The following PDE2A variants were observed in gnomAD, a reference collection of about 807,000 sequenced individuals.
PDE2A encodes phosphodiesterase 2A, also known as cGMP-dependent 3',5'-cyclic phosphodiesterase.
A neutral mutation model predicts 133.6 loss-of-function variants in PDE2A; 53 were observed. The observed-to-expected ratio is 0.40, with a 90% CI of 0.32 to 0.50. PDE2A has a LOEUF of 0.50. PDE2A is among the 20% of genes least tolerant of loss of function. The pLI is 0.73. For synonymous variants in PDE2A, 491 were observed against 490.2 expected, an observed-to-expected ratio of 1.00 and a Z score of -0.02; for missense variants, 796 against 1,232.4, an observed-to-expected ratio of 0.65 and a Z score of 5.30.
chr11:72,598,387 G>T, intron 4 of PDE2A: 1 of 578,200 alleles, frequency 1.7e-6, no homozygotes, highest in Non-Finnish European at 2.8e-6. Context: ...GACAGTGGCA[G>T]AGGGGTGGTG....
chr11:72,610,723 C>T (rs1375263970), intron 2 of PDE2A, among the ~76,000 whole-genome samples: 1 of 152,128 alleles, frequency 6.6e-6, no homozygotes, highest in African/African-American at 2.4e-5. Flanking sequence ...GTCTTTTGAC[C>T]CTTAGGCACT....
At chr11:72,631,767 A>G (rs1429735346) in intron 2 of PDE2A, among the ~76,000 whole-genome samples, 1 of 152,136 alleles carries the variant, frequency 6.6e-6, no homozygotes, top group East Asian at 1.9e-4. Context: ...TGGAGACACA[A>G]CAGAGACCTG....
At chr11:72,638,280 C>T (rs1054012136) in intron 2 of PDE2A, among the ~76,000 whole-genome samples, 1 of 152,198 alleles carries the variant, frequency 6.6e-6, no homozygotes, top group African/African-American at 2.4e-5. Flanking sequence ...AGATGAGAGT[C>T]CCCTCATCCG....
rs759363151 is a variant in PDE2A at position 72,584,734 on chromosome 11, G to C, written c.1360-6C>G. ...GGGATGCGGATCTCATAGCTCTGCC[G>C]GAGCAGAGATGGAGTCGAGAGGAAG... On this transcript the variant is annotated splice_polypyrimidine_tract_variant and splice_region_variant and intron_variant, in intron 17 of 30. Coordinates refer to ENST00000334456, the MANE Select transcript of PDE2A (RefSeq NM_002599.5). 1 of 1,613,018 alleles carries C rather than the reference G, an allele frequency of 6.2e-7. No individual in the cohort carries two copies. The highest frequency in any genetic ancestry group is 1.1e-5 in the South Asian group (1 of 91,056).
intron 1 of PDE2A, among the ~76,000 whole-genome samples, chr11:72,668,024 A>T (rs925582331): frequency 6.6e-6 from 1 of 152,242 alleles, no homozygotes; most frequent in Non-Finnish European, 1.5e-5. Flanking sequence ...AGTTCAATCC[A>T]TTCAGCCTAA....
intron 2 of PDE2A, among the ~76,000 whole-genome samples, chr11:72,626,764 A>G (rs1858099464): frequency 6.6e-6 from 1 of 152,076 alleles, no homozygotes; most frequent in Non-Finnish European, 1.5e-5. Context: ...AGCTGGGCCC[A>G]CATATTCACT....
At chr11:72,638,513 G>A (rs919840580) in intron 2 of PDE2A, among the ~76,000 whole-genome samples, 9 of 152,252 alleles carry the variant, frequency 5.9e-5, no homozygotes, top group Non-Finnish European at 1.0e-4. Context: ...AGAACCAGGC[G>A]CCCCAGACTG....
At chr11:72,621,084 CT>C (rs2135395839) in intron 2 of PDE2A, among the ~76,000 whole-genome samples, 1 of 152,228 alleles carries the variant, frequency 6.6e-6, no homozygotes, top group East Asian at 1.9e-4. Flanking sequence ...CCATTTTATA[CT>C]TGAGGAAATT....
rs761847314 is a variant in PDE2A at position 72,579,393 on chromosome 11, G to A, written c.2257-10C>T. ...GCATGCGCTGATAGTCCTGAGGCGA[G>A]GGCAGGGGTGTCATGCCCTCCTACT... On this transcript the variant is annotated splice_polypyrimidine_tract_variant and intron_variant, in intron 26 of 30. Transcript: ENST00000334456. 6.2e-6 allele frequency: 10 copies of A among 1,610,340 alleles called. No individual in the cohort carries two copies. The South Asian group carries it at 1.1e-4, about 18-fold the overall frequency.
intron 2 of PDE2A, among the ~76,000 whole-genome samples, chr11:72,641,203 G>A (rs1266841847): frequency 6.6e-6 from 1 of 152,214 alleles, no homozygotes; most frequent in Non-Finnish European, 1.5e-5. Flanking sequence ...GGCTTTATAA[G>A]TTACAAAAGC....
intron 6 of PDE2A, among the ~76,000 whole-genome samples, chr11:72,591,786 A>G (rs976430428): frequency 8.5e-5 from 13 of 152,326 alleles, no homozygotes; most frequent in Middle Eastern, 6.8e-3. Context: ...GGATAAAGGA[A>G]TGGGCTCAGT....
chr11:72,579,122 G>C, intron 27 of PDE2A, 113 bp from the exon 28 acceptor site: 1 of 945,440 alleles, frequency 1.1e-6, no homozygotes, highest in Non-Finnish European at 1.7e-6. Context: ...ACCCTTGATG[G>C]GAGCCAAGGG....
At chr11:72,602,478 C>T (rs572858760) in intron 4 of PDE2A, among the ~76,000 whole-genome samples, 23 of 152,282 alleles carry the variant, frequency 1.5e-4, no homozygotes, top group African/African-American at 5.3e-4. Flanking sequence ...CCCACCTCCT[C>T]GGGCACTGCT....
intron 1 of PDE2A, among the ~76,000 whole-genome samples, chr11:72,655,347 A>AGAGCCTGGGGACAATGAGCTTGG (rs57956369): frequency 6.6e-6 from 1 of 151,768 alleles, no homozygotes; most frequent in Non-Finnish European, 1.5e-5. Flanking sequence ...AGCCAGGGTG[A>AGAGCCTGGGGACAATGAGCTTGG]GGCAGCCTGG....
Position 72,584,476 on chromosome 11 carries a change from G to A in PDE2A, c.1537+75C>T, listed in dbSNP as rs532569295. On this transcript the variant is annotated intron_variant, in intron 18 of 30. Transcript: ENST00000334456. ...GGGACGCTGGAGGCGGTGGGGAAGT[G>A]TTGCCACCCCCGCTCGCTCGGACCC... is the stretch of plus-strand genomic sequence containing the variant. The A allele has an allele frequency of 3.4e-6, 5 of 1,490,940 alleles. No homozygotes were observed. In the South Asian group the frequency reaches 3.6e-5, roughly 11 times the overall value. The allele number at this position is 1,490,940 out of a possible 1,614,324, so 92.4% of individuals were successfully genotyped here.
intron 2 of PDE2A, among the ~76,000 whole-genome samples, chr11:72,617,833 C>T (rs978062530): frequency 1.6e-4 from 24 of 152,328 alleles, no homozygotes; most frequent in Admixed American, 1.4e-3. Flanking sequence ...CTGACTCCTG[C>T]CCCCTTTCCC....
At chr11:72,631,911 G>A (rs1298081561) in intron 2 of PDE2A, among the ~76,000 whole-genome samples, 4 of 151,922 alleles carry the variant, frequency 2.6e-5, no homozygotes, top group Non-Finnish European at 4.4e-5. Flanking sequence ...CTCAGGCATC[G>A]GACAGGCGGT....
chr11:72,586,701 C>T (rs1565152596), intron 13 of PDE2A, among the ~76,000 whole-genome samples: 1 of 152,230 alleles, frequency 6.6e-6, no homozygotes, highest in Non-Finnish European at 1.5e-5. Context: ...AAATCCTGCT[C>T]ACGTCATTCA....
chr11:72,654,545 C>G (rs961379276), intron 1 of PDE2A, among the ~76,000 whole-genome samples: 2 of 152,002 alleles, frequency 1.3e-5, no homozygotes, highest in Non-Finnish European at 2.9e-5. Context: ...GGGTGGGTCC[C>G]CAGCCCTCCT....
Sources: allele counts gnomAD v4.1 joint callset (sites outside exome capture counted in the v4.1 genomes callset), GRCh38; gene constraint gnomAD v4.1.1; transcripts MANE v1.5; gene names NCBI Gene and HGNC (gene_info 2026-07-23, HGNC 2026-07-21).